Variants in UBL3 observed in about 807,000 individuals in gnomAD.
UBL3 encodes the protein ubiquitin-like protein 3.
UBL3 carries 6 observed loss-of-function variants against 18.4 expected under a neutral mutation model. The ratio of observed to expected loss-of-function variants is 0.33; its 90% CI spans 0.18 to 0.64. The LOEUF is 0.64. UBL3 is among the 30% of genes least tolerant of loss of function. The pLI is 0.76. For missense variants in UBL3, 109 were observed against 142.9 expected (o/e 0.76, Z 1.21); for synonymous variants, 49 against 46.6 (o/e 1.05, Z -0.21).
chr13:29,845,180 T>G (rs1879200112), intron 1 of UBL3, among the ~76,000 whole-genome samples: 2 of 152,108 alleles, frequency 1.3e-5, no homozygotes, highest in Admixed American at 1.3e-4. Flanking sequence ...TGGGGTAGGA[T>G]TCAGAGCTAG....
intron 1 of UBL3, among the ~76,000 whole-genome samples, chr13:29,847,541 T>C (rs1376659486): frequency 6.6e-6 from 1 of 152,208 alleles, no homozygotes; most frequent in Non-Finnish European, 1.5e-5. Context: ...TTGGAAACAG[T>C]ATTTCCCAAA....
rs12020323 is a variant in UBL3, at chr13:29,788,868, T to C, written c.28-11605A>G. ...GTGTGTGTGTGTGTGTGTGTGTGTG[T>C]GTGCGCGCGCGCGCGCACGCGCACG... On this transcript the variant is annotated intron_variant, in intron 1 of 4. Coordinates refer to ENST00000380680, the MANE Select transcript of UBL3 (RefSeq NM_007106.4). 6.3e-4 allele frequency among the ~76,000 whole-genome samples: 13 copies of C among 20,504 alleles called. No homozygotes were observed. The South Asian group carries it at 0.01, about 16-fold the overall frequency. 13.5% of individuals were successfully genotyped at this position (20,504 alleles called of 152,430 possible). A position where few individuals can be genotyped will look rare whatever the true frequency, so the allele number is the denominator to read the frequency against.
At chr13:29,818,037 T>A (rs1223092147) in intron 1 of UBL3, among the ~76,000 whole-genome samples, 5 of 152,194 alleles carry the variant, frequency 3.3e-5, no homozygotes, top group Non-Finnish European at 4.4e-5. Flanking sequence ...TTGCATTTAG[T>A]CCCCATTTCA....
In UBL3 at chr13:29,849,638, G is replaced by T; in HGVS notation, c.-100C>A. On this transcript the variant is annotated 5_prime_UTR_variant, in exon 1 of 5. Coordinates refer to ENST00000380680, the MANE Select transcript of UBL3 (RefSeq NM_007106.4). ...CAGAAATAAACCACGATTTTGACTGGTTCGTGATGTGCTTTCTCCCCCAAA... is the reference window on the plus strand; with the variant it reads ...CAGAAATAAACCACGATTTTGACTGTTTCGTGATGTGCTTTCTCCCCCAAA... 2.1e-6 allele frequency: 3 copies of T among 1,451,826 alleles called. No individual in the cohort carries two copies. The highest frequency in any genetic ancestry group is 1.9e-6 in the Non-Finnish European group (2 of 1,046,784). The allele number at this position is 1,451,826 out of a possible 1,614,324, so 89.9% of individuals were successfully genotyped here.
intron 1 of UBL3, among the ~76,000 whole-genome samples, chr13:29,815,651 T>C (rs1878256987): frequency 6.6e-6 from 1 of 152,174 alleles, no homozygotes; most frequent in Non-Finnish European, 1.5e-5. Flanking sequence ...GTTACTGACA[T>C]TTTAGGGAAA....
chr13:29,805,663 G>T (rs1356161075), intron 1 of UBL3, among the ~76,000 whole-genome samples: 1 of 152,062 alleles, frequency 6.6e-6, no homozygotes, highest in Non-Finnish European at 1.5e-5. Flanking sequence ...TTGAATGAAT[G>T]GTTGAAACAT....
At chr13:29,806,032 C>T (rs1163067856) in intron 1 of UBL3, among the ~76,000 whole-genome samples, 3 of 152,112 alleles carry the variant, frequency 2.0e-5, no homozygotes, top group African/African-American at 4.8e-5. Context: ...AAAAAATTAG[C>T]TGGGCATGGT....
intron 1 of UBL3, among the ~76,000 whole-genome samples, chr13:29,787,670 T>A (rs564737436): frequency 3.3e-5 from 5 of 152,320 alleles, no homozygotes; most frequent in African/African-American, 7.2e-5. Context: ...TTTCTATACA[T>A]ACTATTAACT....
At chr13:29,816,184 T>A (rs1878273356) in intron 1 of UBL3, among the ~76,000 whole-genome samples, 1 of 152,256 alleles carries the variant, frequency 6.6e-6, no homozygotes, top group South Asian at 2.1e-4. Context: ...AAGCACTCTG[T>A]AAACATATTA....
At chr13:29,796,860 T>G (rs942913919) in intron 1 of UBL3, among the ~76,000 whole-genome samples, 15 of 152,156 alleles carry the variant, frequency 9.9e-5, no homozygotes, top group African/African-American at 3.6e-4. Flanking sequence ...TCTTTCAGCC[T>G]TTCACTAGGT....
At chr13:29,787,130 C>T (rs748488462) in intron 1 of UBL3, among the ~76,000 whole-genome samples, 2 of 152,024 alleles carry the variant, frequency 1.3e-5, no homozygotes, top group Non-Finnish European at 2.9e-5. Flanking sequence ...GATGAATGAA[C>T]AGGAATAGTT....
chr13:29,842,537 T>G (rs1057379287), intron 1 of UBL3, among the ~76,000 whole-genome samples: 1 of 152,186 alleles, frequency 6.6e-6, no homozygotes, highest in African/African-American at 2.4e-5. Flanking sequence ...CCTAACTTGT[T>G]TCACCACAGA....
chr13:29,767,499 A>G (rs1055039681), intron 4 of UBL3, 119 bp downstream of exon 4: 4 of 1,224,066 alleles, frequency 3.3e-6, no homozygotes, highest in African/African-American at 1.5e-5. Context: ...TTTGCTTGAC[A>G]ATCTCTATTC....
At chr13:29,817,795 G>A (rs1329054332) in intron 1 of UBL3, among the ~76,000 whole-genome samples, 1 of 152,142 alleles carries the variant, frequency 6.6e-6, no homozygotes, top group African/African-American at 2.4e-5. Context: ...TCAGCATTCT[G>A]ACAGATGGGA....
chr13:29,837,195 G>C (rs1593676258), intron 1 of UBL3, among the ~76,000 whole-genome samples: 2 of 152,158 alleles, frequency 1.3e-5, no homozygotes, highest in South Asian at 2.1e-4. Flanking sequence ...AACATTGCCA[G>C]GCACCCAAGG....
At chr13:29,816,522 G>C (rs1295528880) in intron 1 of UBL3, among the ~76,000 whole-genome samples, 1 of 151,918 alleles carries the variant, frequency 6.6e-6, no homozygotes, top group East Asian at 1.9e-4. Flanking sequence ...ACTTTGGGAG[G>C]ACAAGGTAGG....
chr13:29,777,129 A>G (rs3818368), intron 2 of UBL3, 26 bp downstream of exon 2: 141,984 of 1,524,948 alleles, frequency 0.093, 7,724 homozygotes, highest in Admixed American at 0.18. Context: ...AACATTATTC[A>G]TACTCAAGAG....
At chr13:29,780,291 T>G (rs1877113741) in intron 1 of UBL3, among the ~76,000 whole-genome samples, 2 of 143,100 alleles carry the variant, frequency 1.4e-5, no homozygotes, top group Admixed American at 7.2e-5. Flanking sequence ...GAGGTGGAGC[T>G]TGCAGTGAGC....
Position 29,849,769 on chromosome 13 carries a change from C to G in UBL3, c.-231G>C. On this transcript the variant is annotated 5_prime_UTR_variant, in exon 1 of 5. Transcript: ENST00000380680. ...CCGGAGCAGGAGGAAACTCCCGGGA[C>G]AGCAGAGGCAGCCCCCGTCGTCGTC... 1.7e-6 allele frequency: 1 copy of G among 603,922 alleles called. No individual in the cohort carries two copies. The highest frequency in any genetic ancestry group is 2.0e-5 in the South Asian group (1 of 49,990). 37.4% of individuals were successfully genotyped at this position (603,922 alleles called of 1,614,324 possible).
Sources: allele counts gnomAD v4.1 joint callset (sites outside exome capture counted in the v4.1 genomes callset), GRCh38; gene constraint gnomAD v4.1.1; transcripts MANE v1.5; gene names NCBI Gene and HGNC (gene_info 2026-07-23, HGNC 2026-07-21).